The following AHCYL2 variants were observed in gnomAD, a reference collection of about 807,000 sequenced individuals.
AHCYL2 encodes the protein adenosylhomocysteinase like 2.
A neutral mutation model predicts 81.4 loss-of-function variants in AHCYL2; 28 were observed. That is an observed-to-expected ratio of 0.34 (90% CI 0.25 to 0.47). The LOEUF (loss-of-function observed/expected upper bound fraction) is 0.47, where lower values mean the gene tolerates loss of function less well. Ranked by LOEUF, AHCYL2 falls within the 20% of genes least tolerant of loss-of-function variation. AHCYL2 has a pLI of 1.00. For synonymous variants in AHCYL2, 272 were observed against 290.2 expected (o/e 0.94, Z 0.64); for missense variants, 551 against 785.1 (o/e 0.70, Z 3.56).
rs35797517 is a variant in AHCYL2, at chr7:129,394,440, C to CTTTTTTTTTTTTTTTT, written c.721-2773_721-2758dup. On this transcript the variant is annotated intron_variant, in intron 4 of 16. Coordinates refer to ENST00000325006, the MANE Select transcript of AHCYL2 (RefSeq NM_015328.4). ...TTTTTTTCCTGGCATTTGTATTTGACTTTTTTTTTTTTTTTTTTTTTTTTG... is the reference window on the plus strand; with the variant it reads ...TTTTTTTCCTGGCATTTGTATTTGACTTTTTTTTTTTTTTTTTTTTTTTTTTTTTTTTTTTTTTTTG... 1.1e-4 allele frequency among the ~76,000 whole-genome samples: 5 copies of CTTTTTTTTTTTTTTTT among 45,746 alleles called. 1 individual carries two copies. Among genetic ancestry groups the CTTTTTTTTTTTTTTTT allele is most frequent in the Non-Finnish European group, 2.0e-4 (5 of 25,174 alleles). 30.0% of individuals were successfully genotyped at this position (45,746 alleles called of 152,430 possible).
At chr7:129,410,329 A>T (rs200322054) in intron 11 of AHCYL2, 122 of 1,614,074 alleles carry the variant, frequency 7.6e-5, no homozygotes, top group Non-Finnish European at 1.0e-4. Flanking sequence ...CTTCAATGTC[A>T]TCAAGCTTTA....
At chr7:129,403,892 T>C (rs1312539604) in intron 7 of AHCYL2, among the ~76,000 whole-genome samples, 2 of 92,208 alleles carry the variant, frequency 2.2e-5, no homozygotes, top group Non-Finnish European at 2.8e-5. Flanking sequence ...AAAAAAAAAA[T>C]TGGAGCCTGC....
At chr7:129,339,205 T>G (rs576362749) in intron 1 of AHCYL2, among the ~76,000 whole-genome samples, 1 of 152,330 alleles carries the variant, frequency 6.6e-6, no homozygotes, top group African/African-American at 2.4e-5. Flanking sequence ...TTGTTTGTTT[T>G]AAAGAACCAG....
intron 1 of AHCYL2, among the ~76,000 whole-genome samples, chr7:129,349,282 G>T (rs913810541): frequency 2.6e-5 from 4 of 151,754 alleles, no homozygotes; most frequent in African/African-American, 4.8e-5. Flanking sequence ...TAATCTTTAG[G>T]TAGAGACCTA....
intron 1 of AHCYL2, among the ~76,000 whole-genome samples, chr7:129,255,230 C>T (rs1271759572): frequency 6.6e-6 from 1 of 151,996 alleles, no homozygotes; most frequent in African/African-American, 2.4e-5. Context: ...CATTGCACTC[C>T]AGCCTGGGTG....
intron 1 of AHCYL2, among the ~76,000 whole-genome samples, chr7:129,311,677 A>G (rs1460692542): frequency 6.6e-6 from 1 of 151,540 alleles, no homozygotes; most frequent in Non-Finnish European, 1.5e-5. Flanking sequence ...TACTTTCAAT[A>G]TATTCATAGT....
intron 2 of AHCYL2, among the ~76,000 whole-genome samples, chr7:129,385,790 T>C (rs1363671340): frequency 6.6e-6 from 1 of 152,178 alleles, no homozygotes; most frequent in African/African-American, 2.4e-5. Flanking sequence ...TTCTTGTTTA[T>C]TTAAATTATG....
chr7:129,403,116 A>G (rs1438185513), intron 6 of AHCYL2, among the ~76,000 whole-genome samples: 1 of 152,110 alleles, frequency 6.6e-6, no homozygotes, highest in African/African-American at 2.4e-5. Context: ...GTATATTTTG[A>G]TACAGTAGAT....
chr7:129,249,147 A>T (rs1311229250), intron 1 of AHCYL2, among the ~76,000 whole-genome samples: 2 of 151,276 alleles, frequency 1.3e-5, no homozygotes, highest in African/African-American at 4.9e-5. Context: ...ACAGGCAGGC[A>T]CCACTGTGCC....
At chr7:129,361,170 G>A (rs537926316) in intron 1 of AHCYL2, among the ~76,000 whole-genome samples, 1 of 152,200 alleles carries the variant, frequency 6.6e-6, no homozygotes, top group East Asian at 1.9e-4. Flanking sequence ...TGATGGTCAG[G>A]CTTTATACAG....
At chr7:129,373,600 A>C (rs1009281048) in intron 1 of AHCYL2, among the ~76,000 whole-genome samples, 2 of 136,328 alleles carry the variant, frequency 1.5e-5, no homozygotes, top group Non-Finnish European at 3.3e-5. Context: ...ACTCAGTCTC[A>C]AAAAAAAAAA....
At chr7:129,293,572 G>T (rs1044177751) in intron 1 of AHCYL2, among the ~76,000 whole-genome samples, 2 of 151,990 alleles carry the variant, frequency 1.3e-5, no homozygotes, top group Admixed American at 1.3e-4. Flanking sequence ...CAGTTACTAG[G>T]GGGGTGGGAG....
At chr7:129,400,712 T>C (rs1429699817) in intron 6 of AHCYL2, among the ~76,000 whole-genome samples, 1 of 152,126 alleles carries the variant, frequency 6.6e-6, no homozygotes, top group Non-Finnish European at 1.5e-5. Context: ...TACTGCCTAC[T>C]TCCCACCCCT....
At chr7:129,326,704 G>C (rs766606535) in intron 1 of AHCYL2, among the ~76,000 whole-genome samples, 1 of 151,988 alleles carries the variant, frequency 6.6e-6, no homozygotes, top group African/African-American at 2.4e-5. Context: ...ACCATATGAA[G>C]AATAGGGGAA....
intron 1 of AHCYL2, among the ~76,000 whole-genome samples, chr7:129,335,650 C>T (rs747903994): frequency 7.9e-5 from 12 of 152,166 alleles, no homozygotes; most frequent in Non-Finnish European, 1.3e-4. Flanking sequence ...TCCAAGATGG[C>T]TCATTCACAT....
chr7:129,337,087 GTAAA>G (rs1280784326), intron 1 of AHCYL2, among the ~76,000 whole-genome samples: 1 of 152,106 alleles, frequency 6.6e-6, no homozygotes, highest in Non-Finnish European at 1.5e-5. Context: ...CGAATAGCTA[GTAAA>G]TAAATGAACA....
intron 1 of AHCYL2, among the ~76,000 whole-genome samples, chr7:129,291,596 A>T (rs1796864527): frequency 6.6e-6 from 1 of 151,154 alleles, no homozygotes; most frequent in African/African-American, 2.4e-5. Context: ...TATTGCCACA[A>T]AGTCTTTTTT....
chr7:129,307,865 T>C (rs1023925527), intron 1 of AHCYL2, among the ~76,000 whole-genome samples: 4 of 151,872 alleles, frequency 2.6e-5, no homozygotes, highest in African/African-American at 7.2e-5. Flanking sequence ...GCCTAAGATA[T>C]GTCTAGAAAT....
Position 129,225,277 on chromosome 7 carries a change from G to A in AHCYL2, c.201G>A (p.Ser67=). ...AERPPVPGPG[S]GPAAALSPAA... is the part of the protein sequence containing the mutation. The stretch of plus-strand genomic sequence containing the variant: ...GGCCCCCGGTCCCCGGCCCGGGCTC[G>A]GGGCCCGCCGCCGCTCTCAGCCCCG... The change falls in exon 1 of 17, where the codon TCG becomes TCA. Residue 67 remains serine (S), a synonymous_variant. Transcript: ENST00000325006. 5 of 1,452,902 alleles carry A rather than the reference G, an allele frequency of 3.4e-6. No individual in the cohort carries two copies. The highest frequency in any genetic ancestry group is 4.5e-6 in the Non-Finnish European group (5 of 1,111,422). The allele number at this position is 1,452,902 out of a possible 1,614,324, so 90.0% of individuals were successfully genotyped here.
Sources: gnomAD v4.1 joint callset for allele counts (sites outside exome capture counted in the v4.1 genomes callset) on GRCh38, gnomAD v4.1.1 for gene constraint, MANE v1.5 for transcripts, NCBI Gene and HGNC (gene_info 2026-07-23, HGNC 2026-07-21) for gene names.